Variants in MAP4K4 observed in about 807,000 individuals in gnomAD.
MAP4K4 encodes the protein HPK/GCK-like kinase HGK.
In MAP4K4, 38 loss-of-function variants were observed where a neutral mutation model predicts 189.6. The ratio of observed to expected loss-of-function variants is 0.20; its 90% CI spans 0.15 to 0.26. The LOEUF is 0.26. MAP4K4 is among the 10% of genes least tolerant of loss of function. The pLI, the probability that MAP4K4 is intolerant of heterozygous loss-of-function variation, is 1.00. For synonymous variants in MAP4K4, 610 were observed against 624.3 expected (o/e 0.98, Z 0.34); for missense variants, 1,054 against 1,726.9 (o/e 0.61, Z 6.91).
intron 2 of MAP4K4, among the ~76,000 whole-genome samples, chr2:101,726,763 G>A (rs2055606265): frequency 6.6e-6 from 1 of 152,136 alleles, no homozygotes; most frequent in South Asian, 2.1e-4. Flanking sequence ...TTTGACATGA[G>A]GTAGAAGAGG....
intron 2 of MAP4K4, among the ~76,000 whole-genome samples, chr2:101,785,751 T>C (rs1216499375): frequency 0.015 from 148 of 9,576 alleles, 2 homozygotes; most frequent in Middle Eastern, 0.033. Flanking sequence ...TCTCTCTCTC[T>C]CTCTCTCTCT....
chr2:101,868,794 G>A (rs949146794), intron 21 of MAP4K4, among the ~76,000 whole-genome samples: 1 of 152,038 alleles, frequency 6.6e-6, no homozygotes, highest in Non-Finnish European at 1.5e-5. Context: ...GATGTCAGTG[G>A]CATCCTAGTG....
intron 27 of MAP4K4, among the ~76,000 whole-genome samples, chr2:101,882,118 T>C (rs1157085768): frequency 2.0e-5 from 3 of 152,224 alleles, no homozygotes; most frequent in African/African-American, 4.8e-5. Flanking sequence ...TTTACAACAC[T>C]AGTTTCTGAA....
chr2:101,720,177 T>C (rs1420038266), intron 2 of MAP4K4, among the ~76,000 whole-genome samples: 1 of 123,238 alleles, frequency 8.1e-6, no homozygotes, highest in African/African-American at 3.2e-5. Context: ...GTGGGTAAGG[T>C]CAGTGGTGTT....
At chr2:101,804,949 C>A (rs2094769349) in intron 3 of MAP4K4, among the ~76,000 whole-genome samples, 1 of 151,816 alleles carries the variant, frequency 6.6e-6, no homozygotes, top group East Asian at 1.9e-4. Flanking sequence ...TGGCACGTGA[C>A]TGTAATCCCA....
chr2:101,819,970 G>T (rs1301853007), intron 3 of MAP4K4, among the ~76,000 whole-genome samples: 1 of 152,136 alleles, frequency 6.6e-6, no homozygotes, highest in Non-Finnish European at 1.5e-5. Context: ...GTGCCAATTC[G>T]GGAGTTTTCA....
intron 2 of MAP4K4, among the ~76,000 whole-genome samples, chr2:101,732,122 T>C (rs2058724914): frequency 6.6e-6 from 1 of 152,178 alleles, no homozygotes; most frequent in African/African-American, 2.4e-5. Context: ...TTTAGTATTA[T>C]TTATAAACTC....
At chr2:101,726,071 C>T (rs1022384111) in intron 2 of MAP4K4, among the ~76,000 whole-genome samples, 4 of 152,210 alleles carry the variant, frequency 2.6e-5, no homozygotes, top group African/African-American at 9.7e-5. Flanking sequence ...TTGGGTATTG[C>T]TGCTAGAATG....
intron 10 of MAP4K4, among the ~76,000 whole-genome samples, chr2:101,840,610 A>G (rs559732800): frequency 6.6e-6 from 1 of 152,334 alleles, no homozygotes; most frequent in East Asian, 1.9e-4. Context: ...AGCGAGGTGC[A>G]GTTCAAACAT....
intron 12 of MAP4K4, among the ~76,000 whole-genome samples, chr2:101,849,649 A>G (rs1412043898): frequency 7.0e-6 from 1 of 142,534 alleles, no homozygotes; most frequent in Non-Finnish European, 1.5e-5. Flanking sequence ...AAATTGAATC[A>G]TGGTTTGGCA....
chr2:101,867,308 C>A (rs1396027633), exon 20 of MAP4K4: 1 of 1,601,512 alleles, frequency 6.2e-7, no homozygotes, highest in South Asian at 1.1e-5. Context: ...CTCAAGCCTG[C>A]TGTAAGGATT....
intron 3 of MAP4K4, among the ~76,000 whole-genome samples, chr2:101,816,665 A>C (rs1322157901): frequency 6.6e-6 from 1 of 152,122 alleles, no homozygotes; most frequent in African/African-American, 2.4e-5. Flanking sequence ...GGAATGACTT[A>C]AGTCTGGAAA....
intron 15 of MAP4K4, 53 bp downstream of exon 15, chr2:101,859,917 C>A: frequency 6.7e-7 from 1 of 1,497,390 alleles, no homozygotes; most frequent in Non-Finnish European, 9.1e-7. Context: ...CGTATAACGA[C>A]TCTTCAGAAC....
At chr2:101,875,342 G>T (rs928862388) in intron 26 of MAP4K4, among the ~76,000 whole-genome samples, 11 of 151,824 alleles carry the variant, frequency 7.2e-5, no homozygotes, top group African/African-American at 2.7e-4. Flanking sequence ...TTCTTATACT[G>T]ATAATCTTTT....
intron 30 of MAP4K4, 71 bp downstream of exon 30, chr2:101,887,308 C>T (rs1384497583): frequency 2.8e-5 from 41 of 1,463,726 alleles, no homozygotes; most frequent in Non-Finnish European, 3.8e-5. Context: ...CTTTACTCTG[C>T]TTAGTGAACT....
intron 2 of MAP4K4, among the ~76,000 whole-genome samples, chr2:101,760,030 G>C (rs2075491578): frequency 6.6e-6 from 1 of 151,884 alleles, no homozygotes; most frequent in Non-Finnish European, 1.5e-5. Flanking sequence ...TTTTTTTGTA[G>C]AGATGGGGTT....
chr2:101,762,780 C>T (rs1047951233), intron 2 of MAP4K4, among the ~76,000 whole-genome samples: 1 of 152,200 alleles, frequency 6.6e-6, no homozygotes, highest in East Asian at 1.9e-4. Context: ...GATAAAATCC[C>T]TCCTCCTAGG....
chr2:101,815,017 G>A (rs547652431), intron 3 of MAP4K4, among the ~76,000 whole-genome samples: 3 of 152,074 alleles, frequency 2.0e-5, no homozygotes, highest in Non-Finnish European at 4.4e-5. Flanking sequence ...CTCCAAGTAG[G>A]GTCTGTGGAA....
At chr2:101,791,121 T>G (rs185974852) in intron 3 of MAP4K4, among the ~76,000 whole-genome samples, 14 of 152,168 alleles carry the variant, frequency 9.2e-5, no homozygotes, top group Non-Finnish European at 1.8e-4. Context: ...ATAGGGAGAT[T>G]GAGGGTTTCG....
Sources: gnomAD v4.1 joint callset for allele counts (sites outside exome capture counted in the v4.1 genomes callset) on GRCh38, gnomAD v4.1.1 for gene constraint, MANE v1.5 for transcripts, NCBI Gene and HGNC (gene_info 2026-07-23, HGNC 2026-07-21) for gene names.